The following GRM8 variants were observed in gnomAD, a reference collection of about 807,000 sequenced individuals.
The protein encoded by GRM8 is glutamate metabotropic receptor 8.
A neutral mutation model predicts 87.2 loss-of-function variants in GRM8; 47 were observed. That is an observed-to-expected ratio of 0.54 (90% CI 0.43 to 0.69). The LOEUF (loss-of-function observed/expected upper bound fraction) is 0.69, where lower values mean the gene tolerates loss of function less well. Among genes scored for constraint, GRM8 ranks in the 30% least tolerant of loss-of-function variants. The pLI, the probability that GRM8 is intolerant of heterozygous loss-of-function variation, is 0.00. For missense variants in GRM8, 1,019 were observed against 1,139.2 expected (o/e 0.89, Z 1.52); for synonymous variants, 396 against 404.5 (o/e 0.98, Z 0.25).
chr7:127,059,726 ATACG>A lies in GRM8; in HGVS notation c.727+46766_727+46769del. Among the ~76,000 whole-genome samples the A allele has an allele frequency of 2.0e-5, 3 of 152,340 alleles. No homozygotes were observed. In the South Asian group the frequency reaches 6.2e-4, roughly 32 times the overall value. On this transcript the variant is annotated intron_variant, in intron 3 of 10. Coordinates refer to ENST00000339582, the MANE Select transcript of GRM8 (RefSeq NM_000845.3). Reference sequence around the variant, plus strand: ...CAAATAGCCTCTAGATAACTCATGAATACGCTGCATCAATGCAGTGGAGTTTTCT... The same window carrying A: ...CAAATAGCCTCTAGATAACTCATGAACTGCATCAATGCAGTGGAGTTTTCT...
chr7:126,882,933 G>C (rs1355759702), intron 6 of GRM8, among the ~76,000 whole-genome samples: 2 of 152,228 alleles, frequency 1.3e-5, no homozygotes, highest in Admixed American at 1.3e-4. Context: ...AGGTCACAGG[G>C]AAGGCTGAAG....
intron 3 of GRM8, among the ~76,000 whole-genome samples, chr7:126,969,910 T>TA (rs1810245337): frequency 6.6e-6 from 1 of 152,182 alleles, no homozygotes; most frequent in African/African-American, 2.4e-5. Flanking sequence ...TTAGTTGTCA[T>TA]AAAAACATTA....
intron 7 of GRM8, among the ~76,000 whole-genome samples, chr7:126,714,182 G>A (rs1811451955): frequency 6.6e-6 from 1 of 151,026 alleles, no homozygotes; most frequent in Non-Finnish European, 1.5e-5. Context: ...GGAGGCTGAG[G>A]CAGGGGGATT....
chr7:127,180,778 C>T (rs1403132422), intron 2 of GRM8, among the ~76,000 whole-genome samples: 3 of 151,902 alleles, frequency 2.0e-5, no homozygotes, highest in Non-Finnish European at 2.9e-5. Context: ...AAAAAGCATT[C>T]GACAAAATCC....
intron 6 of GRM8, among the ~76,000 whole-genome samples, chr7:126,884,809 T>C (rs1800339543): frequency 6.6e-6 from 1 of 152,106 alleles, no homozygotes; most frequent in South Asian, 2.1e-4. Flanking sequence ...TAAATATGCA[T>C]CAAACAACCC....
intron 2 of GRM8, among the ~76,000 whole-genome samples, chr7:127,238,723 C>T (rs571678207): frequency 6.6e-6 from 1 of 152,320 alleles, no homozygotes; most frequent in South Asian, 2.1e-4. Flanking sequence ...GTTAAAGAGG[C>T]CCATTTTTTT....
intron 3 of GRM8, among the ~76,000 whole-genome samples, chr7:127,007,013 T>A (rs1411789210): frequency 6.6e-6 from 1 of 151,990 alleles, no homozygotes; most frequent in Non-Finnish European, 1.5e-5. Context: ...TCAACTGAAG[T>A]CGAGTAGACA....
chr7:127,166,366 AG>A (rs1390350649), intron 2 of GRM8, among the ~76,000 whole-genome samples: 1 of 152,198 alleles, frequency 6.6e-6, no homozygotes, highest in Non-Finnish European at 1.5e-5. Flanking sequence ...CTTAAGATTA[AG>A]GAATTCACTT....
At chr7:127,035,651 T>C (rs745867616) in intron 3 of GRM8, among the ~76,000 whole-genome samples, 13 of 152,170 alleles carry the variant, frequency 8.5e-5, no homozygotes, top group Non-Finnish European at 1.9e-4. Flanking sequence ...AGACTCCACA[T>C]AGTGTGAGAA....
intron 9 of GRM8, among the ~76,000 whole-genome samples, chr7:126,529,568 T>C (rs372937470): frequency 6.6e-4 from 100 of 152,276 alleles, no homozygotes; most frequent in African/African-American, 2.3e-3. Flanking sequence ...TTTTCTTTTC[T>C]TTTTTTGCCT....
intron 6 of GRM8, among the ~76,000 whole-genome samples, chr7:126,806,989 G>A (rs1792837772): frequency 6.6e-6 from 1 of 152,224 alleles, no homozygotes; most frequent in South Asian, 2.1e-4. Flanking sequence ...AGCGCGGCCA[G>A]AGCGGACGCC....
chr7:126,889,841 G>T (rs1800831259), intron 6 of GRM8, among the ~76,000 whole-genome samples: 1 of 151,960 alleles, frequency 6.6e-6, no homozygotes, highest in African/African-American at 2.4e-5. Flanking sequence ...CTTAAAATGA[G>T]GGATGCTCAT....
chr7:126,447,870 G>A (rs938734670), intron 9 of GRM8, among the ~76,000 whole-genome samples: 3 of 151,876 alleles, frequency 2.0e-5, no homozygotes, highest in Non-Finnish European at 4.4e-5. Flanking sequence ...TTGCATAAGA[G>A]CTCATTGTTT....
intron 9 of GRM8, among the ~76,000 whole-genome samples, chr7:126,502,892 C>T (rs1809865040): frequency 6.6e-6 from 1 of 151,948 alleles, no homozygotes; most frequent in Non-Finnish European, 1.5e-5. Context: ...TGGGAACAGT[C>T]CTGTGCTCCA....
intron 2 of GRM8, among the ~76,000 whole-genome samples, chr7:127,124,486 A>C (rs1827254788): frequency 1.3e-5 from 2 of 152,118 alleles, no homozygotes; most frequent in South Asian, 4.1e-4. Flanking sequence ...TTACAATTTA[A>C]AAGTGAGGTT....
At chr7:127,080,702 T>C (rs953754923) in intron 3 of GRM8, 5 of 152,148 alleles carry the variant, frequency 3.3e-5, no homozygotes, top group African/African-American at 9.7e-5. Flanking sequence ...TGTTTTTCTA[T>C]AGATGTCACC....
intron 9 of GRM8, among the ~76,000 whole-genome samples, chr7:126,467,879 A>T (rs1021761295): frequency 6.6e-6 from 1 of 152,054 alleles, no homozygotes; most frequent in African/African-American, 2.4e-5. Context: ...TACTCAATAA[A>T]CTTCCATTTA....
chr7:126,502,051 T>C (rs1809729696), intron 9 of GRM8, among the ~76,000 whole-genome samples: 1 of 152,036 alleles, frequency 6.6e-6, no homozygotes, highest in Non-Finnish European at 1.5e-5. Context: ...CTGTTGGGAT[T>C]AGATATAAAC....
intron 7 of GRM8, among the ~76,000 whole-genome samples, chr7:126,646,285 AGG>A: frequency 6.6e-6 from 1 of 151,100 alleles, no homozygotes; most frequent in East Asian, 2.0e-4. Context: ...GAAGGAAGGA[AGG>A]AAGGAAGGAA....
Sources: gnomAD v4.1 joint callset for allele counts (sites outside exome capture counted in the v4.1 genomes callset) on GRCh38, gnomAD v4.1.1 for gene constraint, MANE v1.5 for transcripts, NCBI Gene and HGNC (gene_info 2026-07-23, HGNC 2026-07-21) for gene names.